The following CSMD2 variants were observed in gnomAD, a reference collection of about 807,000 sequenced individuals.
CSMD2 encodes CUB and sushi domain-containing protein 2.
A neutral mutation model predicts 398.5 loss-of-function variants in CSMD2; 130 were observed. The observed-to-expected ratio is 0.33, with a 90% CI of 0.28 to 0.38. The LOEUF (loss-of-function observed/expected upper bound fraction) is 0.38. Among genes scored for constraint, CSMD2 ranks in the 10% least tolerant of loss-of-function variants. The probability of loss-of-function intolerance (pLI) is 1.00; values close to 1 mark genes in which losing one functional copy is unlikely to be tolerated. For missense variants in CSMD2, 3,829 were observed against 4,764.9 expected (o/e 0.80, Z 5.78); for synonymous variants, 1,828 against 1,908.5 (o/e 0.96, Z 1.10).
intron 44 of CSMD2, among the ~76,000 whole-genome samples, chr1:33,589,085 A>C (rs147010042): frequency 6.6e-6 from 1 of 152,356 alleles, no homozygotes; most frequent in African/African-American, 2.4e-5. Flanking sequence ...AATGTATCGT[A>C]CTGAGAGATA....
At chr1:33,908,105 A>AG (rs1334894410) in intron 5 of CSMD2, among the ~76,000 whole-genome samples, 9 of 148,488 alleles carry the variant, frequency 6.1e-5, no homozygotes, top group Non-Finnish European at 1.0e-4. Flanking sequence ...AAAAAAAAAA[A>AG]AAGAAAAGTA....
intron 44 of CSMD2, 37 bp from the exon 45 acceptor site, chr1:33,587,205 A>C: frequency 9.7e-5 from 139 of 1,430,372 alleles, no homozygotes; most frequent in Middle Eastern, 1.7e-4. Flanking sequence ...GGGTAAGATC[A>C]TCATTCTCCA....
intron 25 of CSMD2, among the ~76,000 whole-genome samples, chr1:33,664,476 C>T (rs1034770567): frequency 6.6e-6 from 1 of 151,954 alleles, no homozygotes; most frequent in Admixed American, 6.6e-5. Context: ...GTTGACTTGC[C>T]AAAGTAATTC....
intron 1 of CSMD2, among the ~76,000 whole-genome samples, chr1:34,150,762 G>GA (rs901008231): frequency 6.6e-5 from 10 of 150,472 alleles, no homozygotes; most frequent in Admixed American, 4.0e-4. Flanking sequence ...AAAAAGTTTA[G>GA]AAAAAAAAAT....
rs141089487 is a variant in CSMD2, at chr1:33,633,441, G to A, written c.5181C>T (p.Ser1727=). 2.5e-4 allele frequency: 388 copies of A among 1,552,810 alleles called. 2 individuals carry two copies. Among genetic ancestry groups the A allele is most frequent in the Admixed American group, 5.9e-5 (3 of 51,120 alleles). ...GGATACCTGTATGGGAGCCCGAGAG[G>A]GAGCTGAGGAGCCGCGAGTGCTGGC... ...GHSQHSRLLS[S]LSGSHTGESL... The change falls in exon 32 of 71, where the codon TCC becomes TCT. Residue 1727 remains serine (S), a synonymous_variant. Transcript: ENST00000373381. This position sits in a 1 kb window ranked among gnomAD's most constrained non-coding sequence, Gnocchi z 5.0.
At chr1:34,027,963 GA>G (rs1349423129) in intron 3 of CSMD2, among the ~76,000 whole-genome samples, 1 of 152,220 alleles carries the variant, frequency 6.6e-6, no homozygotes, top group African/African-American at 2.4e-5. Flanking sequence ...CCTATTTTCA[GA>G]CTCTTTGCTG....
intron 1 of CSMD2, among the ~76,000 whole-genome samples, chr1:34,144,733 G>A (rs1261209896): frequency 6.6e-6 from 1 of 152,232 alleles, no homozygotes; most frequent in Admixed American, 6.5e-5. Context: ...GGGGAAGTAA[G>A]GGAGGGGGTG....
intron 3 of CSMD2, among the ~76,000 whole-genome samples, chr1:33,940,896 T>C (rs1644648418): frequency 6.6e-6 from 1 of 152,224 alleles, no homozygotes; most frequent in Non-Finnish European, 1.5e-5. Flanking sequence ...TGTGGTCTTT[T>C]GTTATGTGTC....
intron 44 of CSMD2, among the ~76,000 whole-genome samples, chr1:33,595,928 A>C (rs1639808204): frequency 6.6e-6 from 1 of 152,222 alleles, no homozygotes; most frequent in African/African-American, 2.4e-5. Context: ...ATGTATGTGC[A>C]AACACACATG....
Position 33,724,644 on chromosome 1 carries a change from T to A in CSMD2, c.2756A>T (p.His919Leu), listed in dbSNP as rs1308486200. Reference protein sequence around the residue: ...DPGIPVNGQRHGNDFYVGALV... With the variant: ...DPGIPVNGQRLGNDFYVGALV... Reference sequence around the variant, plus strand: ...CGCGCCCACGTAGAAGTCATTCCCATGACGCTGTCCATTTACTGGGATTCC... The same window carrying A: ...CGCGCCCACGTAGAAGTCATTCCCAAGACGCTGTCCATTTACTGGGATTCC... The change falls in exon 18 of 71, where the codon CAT becomes CTT. Residue 919 changes from histidine (H) to leucine (L), a missense_variant. Physicochemically the swap from His to Leu is moderately conservative, Grantham distance 99. Transcript: ENST00000373381. The A allele has an allele frequency of 6.2e-7, 1 of 1,614,080 alleles. No homozygotes were observed. The highest frequency in any genetic ancestry group is 8.5e-7 in the Non-Finnish European group (1 of 1,180,052).
intron 25 of CSMD2, among the ~76,000 whole-genome samples, chr1:33,685,939 C>T (rs774694589): frequency 6.6e-6 from 1 of 152,190 alleles, no homozygotes; most frequent in Non-Finnish European, 1.5e-5. Flanking sequence ...GTAATCATTG[C>T]ATATTTTGTT....
chr1:33,989,163 CAAAT>C (rs1215986712), intron 3 of CSMD2, among the ~76,000 whole-genome samples: 1 of 149,676 alleles, frequency 6.7e-6, no homozygotes, highest in Admixed American at 6.7e-5. Flanking sequence ...ACTAATAAGA[CAAAT>C]AATTCAATTT....
chr1:33,893,191 A>C (rs1224995716), intron 5 of CSMD2, among the ~76,000 whole-genome samples: 1 of 152,228 alleles, frequency 6.6e-6, no homozygotes, highest in Non-Finnish European at 1.5e-5. Context: ...TAAAACAGAA[A>C]GGGAGCTAAA....
chr1:34,152,376 AG>A, intron 1 of CSMD2, among the ~76,000 whole-genome samples: 1 of 152,138 alleles, frequency 6.6e-6, no homozygotes. Context: ...ACCCTCACCA[AG>A]GCCTGCCTTT....
At chr1:33,738,811 C>T (rs567731214) in intron 15 of CSMD2, among the ~76,000 whole-genome samples, 40 of 152,248 alleles carry the variant, frequency 2.6e-4, no homozygotes, top group Non-Finnish European at 4.7e-4. Context: ...TTTGGGCTGC[C>T]GGAGCTCCCC....
Position 33,818,577 on chromosome 1 carries a change from G to A in CSMD2, c.1324+1136C>T, listed in dbSNP as rs189134895. Among the ~76,000 whole-genome samples, 4 of 152,288 alleles carry A rather than the reference G, an allele frequency of 2.6e-5. No homozygotes were observed. The East Asian group carries it at 5.8e-4, about 22-fold the overall frequency. On this transcript the variant is annotated intron_variant, in intron 9 of 70. Coordinates refer to ENST00000373381, the MANE Select transcript of CSMD2 (RefSeq NM_001281956.2). The stretch of plus-strand genomic sequence containing the variant: ...GCCCAATTGCTGAGAGTTATGACAA[G>A]AATTCTTTTTTGTTGTTTGATTTTT...
At position 33,935,737 on chromosome 1, in the gene CSMD2, C is replaced by A. The variant is rs760232030; in HGVS notation, c.712+23G>T. On this transcript the variant is annotated intron_variant, in intron 4 of 70. Transcript: ENST00000373381. ...CCTCCCAGCCACTGCCCCACTCTGT[C>A]AGACCCCTTGCTGGCCACCTACCTC... 3 of 1,580,508 alleles carry A rather than the reference C, an allele frequency of 1.9e-6. No homozygotes were observed. The South Asian group carries it at 3.6e-5, about 19-fold the overall frequency.
At chr1:33,814,803 G>A (rs1280633036) in intron 9 of CSMD2, among the ~76,000 whole-genome samples, 1 of 152,114 alleles carries the variant, frequency 6.6e-6, no homozygotes, top group African/African-American at 2.4e-5. Flanking sequence ...CCCACTGCCT[G>A]TGTTCCCAGC....
intron 32 of CSMD2, among the ~76,000 whole-genome samples, chr1:33,628,068 A>G (rs551805256): frequency 5.9e-5 from 9 of 152,346 alleles, no homozygotes; most frequent in African/African-American, 1.9e-4. Context: ...AACTCTCAGC[A>G]GATGTTCAGT....
Sources: gnomAD v4.1 joint callset for allele counts (sites outside exome capture counted in the v4.1 genomes callset) on GRCh38, gnomAD v4.1.1 for gene constraint, Gnocchi (gnomAD v3.1) non-coding constraint, MANE v1.5 for transcripts, NCBI Gene and HGNC (gene_info 2026-07-23, HGNC 2026-07-21) for gene names.